Variants in ATG16L1 observed in about 807,000 individuals in gnomAD.
ATG16L1 encodes the protein autophagy-related protein 16-1.
Under a neutral mutation model 88.5 loss-of-function variants are expected in ATG16L1, and 37 were observed. That is an observed-to-expected ratio of 0.42 (90% confidence interval 0.32 to 0.55). The LOEUF is 0.55. Among genes scored for constraint, ATG16L1 ranks in the 20% least tolerant of loss-of-function variants. ATG16L1 has a pLI of 0.13. For synonymous variants in ATG16L1, 301 were observed against 281.0 expected, an observed-to-expected ratio of 1.07 and a Z score of -0.71; for missense variants, 554 against 752.8, an observed-to-expected ratio of 0.74 and a Z score of 3.09.
rs1401939098 is a variant in ATG16L1, at chr2:233,251,862, G to T, written c.35G>T (p.Arg12Leu). ...SSGLRAADFP[R>L]WKRHISEQLR... ...GGCCTCCGCGCCGCTGACTTCCCCC[G>T]CTGGAAGCGCCACATCTCGGAGCAA... Residue 12 changes from arginine to leucine, a missense_variant, in exon 1 of 18, where the codon CGC (arginine) becomes CTC (leucine). Coordinates refer to ENST00000392017, the MANE Select transcript of ATG16L1 (RefSeq NM_030803.7). 36 of 1,550,230 alleles carry T rather than the reference G, an allele frequency of 2.3e-5. No individual in the cohort carries two copies. The highest frequency in any genetic ancestry group is 3.0e-5 in the Non-Finnish European group (34 of 1,147,168).
chr2:233,263,093 T>G (rs1559382378), intron 2 of ATG16L1, 37 bp from the exon 3 acceptor site: 8 of 1,583,102 alleles, frequency 5.1e-6, no homozygotes, highest in Non-Finnish European at 6.9e-6. Flanking sequence ...CTCCGTTTTT[T>G]GCACATTCTC....
At chr2:233,262,672 G>A (rs1697300031) in intron 2 of ATG16L1, among the ~76,000 whole-genome samples, 1 of 152,118 alleles carries the variant, frequency 6.6e-6, no homozygotes, top group African/African-American at 2.4e-5. Flanking sequence ...CCTCAATTAC[G>A]TTAAAATAGG....
In ATG16L1 at chr2:233,295,117, C is replaced by G. The variant is rs1385190600; in HGVS notation, c.*767C>G. 6.6e-6 allele frequency: 1 copy of G among 152,602 alleles called. No individual in the cohort carries two copies. The highest frequency in any genetic ancestry group is 2.4e-5 in the African/African-American group (1 of 41,424). 9.5% of individuals were successfully genotyped at this position (152,602 alleles called of 1,614,324 possible). ...ACACCCAGAAGGTGGGTGCACACTG[C>G]ATGCTTGGGGGTGCCAAGGGATTCG... On this transcript the variant is annotated 3_prime_UTR_variant, in exon 18 of 18. Coordinates refer to ENST00000392017, the MANE Select transcript of ATG16L1 (RefSeq NM_030803.7).
chr2:233,292,445 A>G lies in ATG16L1; in HGVS notation c.1628+11A>G. 6.2e-7 allele frequency: 1 copy of G among 1,612,108 alleles called. No homozygotes were observed. Among genetic ancestry groups the G allele is most frequent in the Non-Finnish European group, 8.5e-7 (1 of 1,179,890 alleles). ...CAGAGTTGTCTTCAGGTTAGTAGTG[A>G]CCCACCCCCCGCCAATTTGGTTCAT... On this transcript the variant is annotated intron_variant, in intron 16 of 17. Transcript: ENST00000392017.
chr2:233,259,823 C>T (rs150151708), intron 2 of ATG16L1, among the ~76,000 whole-genome samples: 541 of 152,288 alleles, frequency 3.6e-3, no homozygotes, highest in Non-Finnish European at 5.2e-3. Context: ...TTCTCCACCC[C>T]CTAGCCTCTT....
intron 10 of ATG16L1, 125 bp downstream of exon 10, chr2:233,277,798 C>T (rs551751958): frequency 1.8e-5 from 14 of 767,160 alleles, no homozygotes; most frequent in Admixed American, 1.3e-4. Context: ...TGTTCATTTT[C>T]TCAAAACATA....
chr2:233,259,110 C>T (rs151130641), intron 2 of ATG16L1, among the ~76,000 whole-genome samples: 155 of 152,134 alleles, frequency 1.0e-3, no homozygotes, highest in Non-Finnish European at 1.4e-3. Context: ...ATAACGTGGC[C>T]AAGCAAGGAG....
chr2:233,280,366 A>C (rs983158667), intron 10 of ATG16L1, among the ~76,000 whole-genome samples: 1 of 152,170 alleles, frequency 6.6e-6, no homozygotes, highest in Non-Finnish European at 1.5e-5. Flanking sequence ...TGCTCTTCTC[A>C]GTTTGGGATT....
At chr2:233,287,869 ACT>A (rs1699188476) in intron 12 of ATG16L1, among the ~76,000 whole-genome samples, 1 of 152,088 alleles carries the variant, frequency 6.6e-6, no homozygotes, top group South Asian at 2.1e-4. Flanking sequence ...CAAGAGTGAA[ACT>A]CTGTCTCAAA....
At chr2:233,292,574 G>A (rs1389959095) in intron 16 of ATG16L1, 140 bp downstream of exon 16, 9 of 993,654 alleles carry the variant, frequency 9.1e-6, no homozygotes, top group Admixed American at 4.3e-5. Flanking sequence ...GTTCATAATT[G>A]CAGGCCACCA....
At chr2:233,288,923 C>A (rs547884745) in intron 12 of ATG16L1, 1 of 518,196 alleles carries the variant, frequency 1.9e-6, no homozygotes, top group East Asian at 5.5e-5. Context: ...TATGATCTGC[C>A]TTGTTCAAGC....
At chr2:233,263,538 A>G (rs1264420761) in intron 3 of ATG16L1, among the ~76,000 whole-genome samples, 1 of 152,230 alleles carries the variant, frequency 6.6e-6, no homozygotes, top group East Asian at 1.9e-4. Context: ...GGTGCGCTGA[A>G]GGCCTCACTG....
At chr2:233,267,865 C>G (rs1697719889) in intron 5 of ATG16L1, among the ~76,000 whole-genome samples, 1 of 152,160 alleles carries the variant, frequency 6.6e-6, no homozygotes, top group African/African-American at 2.4e-5. Flanking sequence ...ATTCCCTAGC[C>G]CACCCTTTGA....
chr2:233,276,330 T>G (rs750448863), intron 9 of ATG16L1, among the ~76,000 whole-genome samples: 1 of 152,208 alleles, frequency 6.6e-6, no homozygotes, highest in Admixed American at 6.5e-5. Flanking sequence ...ATTATAGAAA[T>G]TTCCAAACAT....
intron 10 of ATG16L1, among the ~76,000 whole-genome samples, chr2:233,278,262 G>A (rs1473505848): frequency 6.6e-6 from 1 of 152,176 alleles, no homozygotes; most frequent in Non-Finnish European, 1.5e-5. Context: ...ACAGAAAATG[G>A]AAGTTAATGA....
At chr2:233,282,635 C>T in intron 11 of ATG16L1, 47 bp from the exon 12 acceptor site, 2 of 1,511,718 alleles carry the variant, frequency 1.3e-6, no homozygotes, top group Non-Finnish European at 1.8e-6. Context: ...GAACTGAATT[C>T]CTCTGATTTG....
At chr2:233,277,429 G>A in intron 9 of ATG16L1, 139 bp from the exon 10 acceptor site, 1 of 683,976 alleles carries the variant, frequency 1.5e-6, no homozygotes, top group Non-Finnish European at 2.6e-6. Context: ...TGGGCTAGGA[G>A]TCCAGTTTAG....
intron 12 of ATG16L1, among the ~76,000 whole-genome samples, chr2:233,283,365 A>T (rs1698845139): frequency 6.6e-6 from 1 of 151,950 alleles, no homozygotes; most frequent in Admixed American, 6.6e-5. Context: ...TTTTTTCCCC[A>T]TAAGCCTGAA....
intron 11 of ATG16L1, among the ~76,000 whole-genome samples, chr2:233,281,983 C>T (rs547851424): frequency 1.1e-4 from 17 of 152,164 alleles, no homozygotes; most frequent in Non-Finnish European, 1.5e-4. Context: ...CCCCCAGCAC[C>T]TGGCACAGTG....
Sources: gnomAD v4.1 joint callset for allele counts (sites outside exome capture counted in the v4.1 genomes callset) on GRCh38, gnomAD v4.1.1 for gene constraint, MANE v1.5 for transcripts, NCBI Gene and HGNC (gene_info 2026-07-23, HGNC 2026-07-21) for gene names.